Variants in LUZP2 observed in about 807,000 individuals in gnomAD.
LUZP2 encodes leucine zipper protein 2.
LUZP2 carries 52 observed loss-of-function variants against 51.6 expected under a neutral mutation model. The observed-to-expected ratio is 1.01, with a 90% CI of 0.81 to 1.27. The LOEUF (loss-of-function observed/expected upper bound fraction) is 1.27, where lower values mean the gene tolerates loss of function less well. LUZP2 is among the 50% of genes most tolerant of loss of function. The pLI is 0.00. For synonymous variants in LUZP2, 154 were observed against 137.3 expected, an observed-to-expected ratio of 1.12 and a Z score of -0.85; for missense variants, 436 against 395.4, an observed-to-expected ratio of 1.10 and a Z score of -0.87.
At chr11:24,813,955 TAAC>T (rs1292739583) in intron 5 of LUZP2, among the ~76,000 whole-genome samples, 4 of 152,218 alleles carry the variant, frequency 2.6e-5, no homozygotes, top group African/African-American at 4.8e-5. Flanking sequence ...CCGGAAATAA[TAAC>T]AACACCTTCA....
chr11:24,932,497 G>A (rs752637553), intron 7 of LUZP2, among the ~76,000 whole-genome samples: 60 of 152,214 alleles, frequency 3.9e-4, no homozygotes, highest in Non-Finnish European at 7.6e-4. Context: ...AGGGATAGGG[G>A]TGTGGTTCTC....
chr11:24,567,949 CTTCT>C (rs763246633), intron 1 of LUZP2, among the ~76,000 whole-genome samples: 51 of 152,056 alleles, frequency 3.4e-4, no homozygotes, highest in Non-Finnish European at 6.3e-4. Flanking sequence ...TACATATTTT[CTTCT>C]TTCTTCTCAC....
At chr11:24,509,511 A>G (rs1379071833) in intron 1 of LUZP2, among the ~76,000 whole-genome samples, 3 of 148,880 alleles carry the variant, frequency 2.0e-5, no homozygotes, top group South Asian at 2.1e-4. Flanking sequence ...TGTAATATAT[A>G]ATGTGTATAT....
At chr11:24,577,292 A>G (rs1302542989) in intron 1 of LUZP2, among the ~76,000 whole-genome samples, 1 of 152,166 alleles carries the variant, frequency 6.6e-6, no homozygotes, top group African/African-American at 2.4e-5. Context: ...AAACTGTAGT[A>G]TACCTTATTT....
At chr11:24,678,228 C>T (rs1228449743) in intron 1 of LUZP2, among the ~76,000 whole-genome samples, 1 of 151,776 alleles carries the variant, frequency 6.6e-6, no homozygotes, top group Non-Finnish European at 1.5e-5. Context: ...AATCAATGGC[C>T]CATAGTAACC....
intron 1 of LUZP2, among the ~76,000 whole-genome samples, chr11:24,525,070 A>G (rs1451062859): frequency 1.3e-5 from 2 of 151,584 alleles, no homozygotes; most frequent in African/African-American, 4.8e-5. Context: ...TGATTCTCCA[A>G]TTTTTCAGAT....
At position 25,082,489 on chromosome 11, in the gene LUZP2, A is replaced by G. The variant is rs1243783284; in HGVS notation, c.*3831A>G. The G allele has an allele frequency of 6.6e-6, 1 of 152,490 alleles. No individual in the cohort carries two copies. Among genetic ancestry groups the G allele is most frequent in the East Asian group, 1.9e-4 (1 of 5,190 alleles). 9.4% of individuals were successfully genotyped at this position (152,490 alleles called of 1,614,324 possible). A position where few individuals can be genotyped will look rare whatever the true frequency, so the allele number is the denominator to read the frequency against. On this transcript the variant is annotated 3_prime_UTR_variant, in exon 12 of 12. Coordinates refer to ENST00000336930, the MANE Select transcript of LUZP2 (RefSeq NM_001009909.4). ...TGAAGAAAACACATACTGTTTACTT[A>G]GGAGACATTTTCTTAGTCGTGTGTA...
At chr11:24,571,080 C>T (rs1852424371) in intron 1 of LUZP2, among the ~76,000 whole-genome samples, 1 of 151,994 alleles carries the variant, frequency 6.6e-6, no homozygotes, top group Non-Finnish European at 1.5e-5. Flanking sequence ...CAAAAATAAT[C>T]TTGCAACTTA....
At chr11:24,629,325 A>T (rs1328955803) in intron 1 of LUZP2, among the ~76,000 whole-genome samples, 1 of 151,844 alleles carries the variant, frequency 6.6e-6, no homozygotes, top group Non-Finnish European at 1.5e-5. Flanking sequence ...GAATGAGAAC[A>T]TGCCATATTT....
intron 1 of LUZP2, among the ~76,000 whole-genome samples, chr11:24,696,667 T>C (rs1029616354): frequency 6.6e-6 from 1 of 152,124 alleles, no homozygotes; most frequent in African/African-American, 2.4e-5. Flanking sequence ...GGTATAACTT[T>C]GGAATTCAGT....
chr11:24,538,080 C>T (rs1416227069), intron 1 of LUZP2, among the ~76,000 whole-genome samples: 1 of 151,786 alleles, frequency 6.6e-6, no homozygotes, highest in Non-Finnish European at 1.5e-5. Context: ...CACACATGCA[C>T]ACACCGCAAG....
chr11:24,682,607 T>C lies in LUZP2; in HGVS notation c.63-46562T>C, dbSNP rs372348334. On this transcript the variant is annotated intron_variant, in intron 1 of 11. Coordinates refer to ENST00000336930, the MANE Select transcript of LUZP2 (RefSeq NM_001009909.4). ...ATATATGTGTGTGTGTGTATATATA[T>C]GTGTATGTGTATATATATATATACA... is the stretch of plus-strand genomic sequence containing the variant. 1.4e-4 allele frequency among the ~76,000 whole-genome samples: 20 copies of C among 146,300 alleles called. 1 individual carries two copies. Among genetic ancestry groups the C allele is most frequent in the African/African-American group, 3.5e-4 (14 of 40,180 alleles).
At chr11:24,667,018 A>G (rs143386656) in intron 1 of LUZP2, among the ~76,000 whole-genome samples, 19 of 152,240 alleles carry the variant, frequency 1.2e-4, no homozygotes, top group African/African-American at 4.3e-4. Context: ...TTCATGTGAA[A>G]TAGTTTGTGA....
At chr11:24,802,902 CT>C (rs1461014696) in intron 5 of LUZP2, among the ~76,000 whole-genome samples, 1 of 152,016 alleles carries the variant, frequency 6.6e-6, no homozygotes, top group East Asian at 1.9e-4. Flanking sequence ...CATCCTCATC[CT>C]TTCTCCTTCT....
Position 25,079,871 on chromosome 11 carries a change from A to G in LUZP2, c.*1213A>G, listed in dbSNP as rs1340103511. On this transcript the variant is annotated 3_prime_UTR_variant, in exon 12 of 12. Coordinates refer to ENST00000336930, the MANE Select transcript of LUZP2 (RefSeq NM_001009909.4). ...GGATGGATCTGTCAAACCACAATAT[A>G]TACATTTGGATCAGTGTATCCTAGG... The G allele has an allele frequency of 6.6e-6, 1 of 152,148 alleles. No homozygotes were observed. The highest frequency in any genetic ancestry group is 1.5e-5 in the Non-Finnish European group (1 of 67,996). The allele number at this position is 152,148 out of a possible 1,614,324, so 9.4% of individuals were successfully genotyped here. A position where few individuals can be genotyped will look rare whatever the true frequency, so the allele number is the denominator to read the frequency against.
At chr11:24,760,048 C>A (rs1345579288) in intron 4 of LUZP2, among the ~76,000 whole-genome samples, 23 of 151,904 alleles carry the variant, frequency 1.5e-4, no homozygotes, top group Admixed American at 1.4e-3. Context: ...TGGTGGGGAG[C>A]CAGTAGGGTG....
intron 1 of LUZP2, among the ~76,000 whole-genome samples, chr11:24,518,808 T>G (rs1850555721): frequency 6.6e-6 from 1 of 152,196 alleles, no homozygotes; most frequent in African/African-American, 2.4e-5. Flanking sequence ...CAAAGGGGCA[T>G]TCCAGAGAGC....
chr11:25,041,740 A>T (rs1858066078), intron 9 of LUZP2, among the ~76,000 whole-genome samples: 1 of 152,144 alleles, frequency 6.6e-6, no homozygotes, highest in African/African-American at 2.4e-5. Context: ...CTCCTTGAGT[A>T]TTCTTCAGCG....
At chr11:24,702,695 C>A (rs1018690804) in intron 1 of LUZP2, among the ~76,000 whole-genome samples, 10 of 152,178 alleles carry the variant, frequency 6.6e-5, no homozygotes, top group Non-Finnish European at 1.2e-4. Flanking sequence ...CCACCTCCAA[C>A]ATGGGGATTA....
Sources: allele counts gnomAD v4.1 joint callset (sites outside exome capture counted in the v4.1 genomes callset), GRCh38; gene constraint gnomAD v4.1.1; transcripts MANE v1.5; gene names NCBI Gene and HGNC (gene_info 2026-07-23, HGNC 2026-07-21).